Variants in GANAB observed in about 807,000 individuals in gnomAD.
The protein encoded by GANAB is glucosidase II alpha subunit, also known as neutral alpha-glucosidase AB.
Under a neutral mutation model 129.9 loss-of-function variants are expected in GANAB, and 35 were observed. That is an observed-to-expected ratio of 0.27 (90% CI 0.21 to 0.36). The LOEUF (loss-of-function observed/expected upper bound fraction) is 0.36, where lower values mean the gene tolerates loss of function less well. Among genes scored for constraint, GANAB ranks in the 10% least tolerant of loss-of-function variants. The pLI, the probability that GANAB is intolerant of heterozygous loss-of-function variation, is 1.00. For synonymous variants in GANAB, 482 were observed against 451.8 expected (o/e 1.07, Z -0.85); for missense variants, 939 against 1,221.0 (o/e 0.77, Z 3.44).
intron 21 of GANAB, 36 bp from the exon 22 acceptor site, chr11:62,626,483 C>T: frequency 6.5e-7 from 1 of 1,538,346 alleles, no homozygotes; most frequent in Non-Finnish European, 9.0e-7. Flanking sequence ...CGCCTGAGCC[C>T]AAGAGGGAGT....
rs1255391460 is a variant in GANAB, at chr11:62,625,758, A to C, written c.*57T>G. 1.8e-6 allele frequency: 2 copies of C among 1,081,914 alleles called. No individual in the cohort carries two copies. Among genetic ancestry groups the C allele is most frequent in the South Asian group, 1.3e-5 (1 of 79,752 alleles). The allele number at this position is 1,081,914 out of a possible 1,614,324, so 67.0% of individuals were successfully genotyped here. Reference sequence around the variant, plus strand: ...GCCGAACTCCAAGGCAGAAGAAAGAATATCTCTCAGCACTAATGCTCCCCT... The same window carrying C: ...GCCGAACTCCAAGGCAGAAGAAAGACTATCTCTCAGCACTAATGCTCCCCT... On this transcript the variant is annotated 3_prime_UTR_variant, in exon 24 of 24. Transcript: ENST00000356638.
intron 15 of GANAB, 21 bp from the exon 16 acceptor site, chr11:62,629,316 G>A: frequency 2.0e-6 from 3 of 1,531,294 alleles, no homozygotes; most frequent in Non-Finnish European, 2.7e-6. Flanking sequence ...CAAGAAGTGG[G>A]GAGCTTGCAC....
intron 1 of GANAB, among the ~76,000 whole-genome samples, chr11:62,640,981 C>A (rs1254128627): frequency 6.6e-6 from 1 of 151,810 alleles, no homozygotes; most frequent in African/African-American, 2.4e-5. Flanking sequence ...ATGCGTGGAA[C>A]AGAGAAACAA....
Position 62,646,576 on chromosome 11 carries a change from CGCCACT to C in GANAB, c.18_23del (p.Val7_Ala8del). The C allele has an allele frequency of 6.2e-7, 1 of 1,613,742 alleles. No homozygotes were observed. The highest frequency in any genetic ancestry group is 1.1e-5 in the South Asian group (1 of 91,088). ...GGGCTCCTCACCGCCTCCTACGCGC[CGCCACT>C]GCCGCTACCGCCGCCATCTTGTGCA... On this transcript the variant is annotated inframe_deletion, in exon 1 of 24. Coordinates refer to ENST00000356638, the MANE Select transcript of GANAB (RefSeq NM_198334.3).
At position 62,629,998 on chromosome 11, in the gene GANAB, G is replaced by A. The variant is rs140562864; in HGVS notation, c.1594-41C>T. 7,638 of 1,600,896 alleles carry A rather than the reference G, an allele frequency of 4.8e-3. 50 individuals carry two copies. Among genetic ancestry groups the A allele is most frequent in the Non-Finnish European group, 4.2e-3 (4,924 of 1,168,114 alleles). ...GAAAATGGGGACAGAAGGACAGAGG[G>A]GAGGAAGAAGACAAACAGTGTCAGA... On this transcript the variant is annotated intron_variant, in intron 13 of 23. Coordinates refer to ENST00000356638, the MANE Select transcript of GANAB (RefSeq NM_198334.3).
chr11:62,643,271 C>G lies in GANAB; in HGVS notation c.38+3291G>C, dbSNP rs1241464124. On this transcript the variant is annotated intron_variant, in intron 1 of 23. Coordinates refer to ENST00000356638, the MANE Select transcript of GANAB (RefSeq NM_198334.3). ...CTATAATCTTGGCACTTTGGGAGGC[C>G]CAGGTGGGCAGATCACGAGATCAGG... 2.6e-5 allele frequency among the ~76,000 whole-genome samples: 4 copies of G among 152,070 alleles called. No homozygotes were observed. The East Asian group carries it at 7.7e-4, about 29-fold the overall frequency.
chr11:62,639,176 C>T, intron 3 of GANAB, 66 bp from the exon 4 acceptor site: 2 of 1,565,362 alleles, frequency 1.3e-6, no homozygotes, highest in Non-Finnish European at 1.8e-6. Context: ...CTCTTTGAAC[C>T]CATTCTCTCC....
chr11:62,633,493 A>G lies in GANAB; in HGVS notation c.582T>C (p.Ala194=), dbSNP rs1943790468. 1 of 1,612,992 alleles carries G rather than the reference A, an allele frequency of 6.2e-7. No homozygotes were observed. Among genetic ancestry groups the G allele is most frequent in the Non-Finnish European group, 8.5e-7 (1 of 1,179,986 alleles). ...CCTCAGGCTGGGCCCCATCGCCCTC[A>G]GCTGGGTCTTTTGATCCTTGCCTGG... The part of the protein sequence containing the change: ...PRVSQGSKDP[A]EGDGAQPEET... Residue 194 remains alanine, a synonymous_variant, in exon 6 of 24, where the codon GCT becomes GCC. Transcript: ENST00000356638.
chr11:62,626,540 G>T, intron 21 of GANAB, 31 bp downstream of exon 21: 1 of 1,526,604 alleles, frequency 6.6e-7, no homozygotes, highest in Non-Finnish European at 9.1e-7. Flanking sequence ...GCAGGCAAAT[G>T]GCTGAGGAGA....
At chr11:62,628,722 C>T (rs893494828) in intron 17 of GANAB, 47 bp downstream of exon 17, 27 of 1,597,704 alleles carry the variant, frequency 1.7e-5, no homozygotes, top group Middle Eastern at 1.8e-4. Flanking sequence ...TCCCTAATAC[C>T]CCCAGCCACC....
intron 4 of GANAB, among the ~76,000 whole-genome samples, chr11:62,636,788 T>C (rs779401268): frequency 1.4e-4 from 21 of 152,092 alleles, no homozygotes; most frequent in Admixed American, 7.2e-4. Context: ...TCAGGCATAG[T>C]GGTGCACGCC....
intron 13 of GANAB, 30 bp from the exon 14 acceptor site, chr11:62,629,987 A>G: frequency 1.2e-6 from 2 of 1,610,554 alleles, no homozygotes; most frequent in East Asian, 2.2e-5. Context: ...ATGGGGACAG[A>G]AGGACAGAGG....
Position 62,639,104 on chromosome 11 carries a change from G to C in GANAB, c.259C>G (p.Leu87Val), listed in dbSNP as rs1486271517. 1.2e-6 allele frequency: 2 copies of C among 1,613,996 alleles called. No individual in the cohort carries two copies. The highest frequency in any genetic ancestry group is 2.2e-5 in the South Asian group (2 of 91,076). ...TGAAGCCCCTGAAGCTCTAGCACCA[G>C]CAACACCTGCGGGGACAGAGGTTTG... ...HLIHEVTKVL[L>V]VLELQGLQKN... The change falls in exon 4 of 24, where the codon CTG (leucine) becomes GTG (valine). Residue 87 changes from leucine (L) to valine (V), a missense_variant. Physicochemically the swap from Leu to Val is conservative, Grantham distance 32. Coordinates refer to ENST00000356638, the MANE Select transcript of GANAB (RefSeq NM_198334.3).
Position 62,629,895 on chromosome 11 carries a change from A to G in GANAB, c.1656T>C (p.Pro552=), listed in dbSNP as rs1431291656. The change falls in exon 14 of 24, where the codon CCT becomes CCC. Residue 552 remains proline (P), a synonymous_variant. Transcript: ENST00000356638. The part of the protein sequence containing the change: ...DMNEPSVFNG[P]EVTMLKDAQH... Reference sequence around the variant, plus strand: ...GGGCATCCTTGAGCATGGTGACCTCAGGACCATTGAACACAGATGGTTCGT... The same window carrying G: ...GGGCATCCTTGAGCATGGTGACCTCGGGACCATTGAACACAGATGGTTCGT... The G allele has an allele frequency of 6.2e-7, 1 of 1,614,106 alleles. No homozygotes were observed. The highest frequency in any genetic ancestry group is 1.1e-5 in the South Asian group (1 of 91,078).
rs1943874509 is a variant in GANAB, at chr11:62,634,919, C to T, written c.462G>A (p.Arg154=). ...EGPYKIILTA[R]PFRLDLLEDR... ...CCTCTAGTAGGTCAAGGCGGAATGG[C>T]CGTGCTGTCAAGATGATCTTGTAGG... is the stretch of plus-strand genomic sequence containing the variant. The change falls in exon 5 of 24, where the codon CGG becomes CGA. Residue 154 remains arginine, a synonymous_variant. Coordinates refer to ENST00000356638, the MANE Select transcript of GANAB (RefSeq NM_198334.3). 1 of 1,613,622 alleles carries T rather than the reference C, an allele frequency of 6.2e-7. No homozygotes were observed. Among genetic ancestry groups the T allele is most frequent in the Admixed American group, 1.7e-5 (1 of 60,016 alleles).
intron 14 of GANAB, 47 bp downstream of exon 14, chr11:62,629,767 G>A (rs373694305): frequency 4.4e-5 from 71 of 1,611,290 alleles, no homozygotes; most frequent in South Asian, 4.3e-4. Context: ...CTCAGTCTCT[G>A]GGCTGTTTTC....
At position 62,631,109 on chromosome 11, in the gene GANAB, T is replaced by C. The variant is rs1943658129; in HGVS notation, c.1071A>G (p.Ser357=). The C allele has an allele frequency of 6.2e-7, 1 of 1,612,204 alleles. No individual in the cohort carries two copies. Among genetic ancestry groups the C allele is most frequent in the Non-Finnish European group, 8.5e-7 (1 of 1,178,446 alleles). ...ETPQTDVRWM[S]ETGIIDVFLL... is the part of the protein sequence containing the mutation. ...GGAAGACGTCAATGATGCCAGTCTC[T>C]GACATCCAGCGAACATCTGTCTGTG... The change falls in exon 10 of 24, where the codon TCA becomes TCG. Residue 357 remains serine, a synonymous_variant. Transcript: ENST00000356638.
At chr11:62,641,130 G>C (rs967183125) in intron 1 of GANAB, among the ~76,000 whole-genome samples, 10 of 151,876 alleles carry the variant, frequency 6.6e-5, no homozygotes, top group African/African-American at 2.4e-4. Flanking sequence ...GATCACTTGA[G>C]GTCAGGAGTT....
chr11:62,635,960 A>G (rs1262572903), intron 4 of GANAB, among the ~76,000 whole-genome samples: 1 of 152,026 alleles, frequency 6.6e-6, no homozygotes, highest in Non-Finnish European at 1.5e-5. Flanking sequence ...CTAATACCAG[A>G]TACAAGTATC....
Sources: allele counts gnomAD v4.1 joint callset (sites outside exome capture counted in the v4.1 genomes callset), GRCh38; gene constraint gnomAD v4.1.1; transcripts MANE v1.5; gene names NCBI Gene and HGNC (gene_info 2026-07-23, HGNC 2026-07-21).